EPCIP: variants seen among roughly 807,000 people sequenced by gnomAD.
EPCIP encodes exosomal polycystin 1 interacting protein, also known as exosomal polycystin-1-interacting protein.
At chr21:32,807,151 A>G in the EPCIP span, among the ~76,000 whole-genome samples, 1 of 152,116 alleles carries the variant, frequency 6.6e-6, no homozygotes, top group Non-Finnish European at 1.5e-5. Flanking sequence ...TTGAGTGGGG[A>G]CACAGCCAAA....
the EPCIP span, chr21:32,797,162 A>G: frequency 2.1e-5 from 7 of 329,428 alleles, no homozygotes; most frequent in Admixed American, 3.1e-4. Context: ...AGGCTCACTA[A>G]GAGGGCACCA....
At chr21:32,798,141 C>T in the EPCIP span, 1 of 152,188 alleles carries the variant, frequency 6.6e-6, no homozygotes. Flanking sequence ...TCAAGACCAG[C>T]CCAGCCAACA....
chr21:32,795,530 A>G, the EPCIP span, among the ~76,000 whole-genome samples: 5 of 152,192 alleles, frequency 3.3e-5, no homozygotes, highest in Admixed American at 2.6e-4. Context: ...AGTCTTCTCC[A>G]TTTGCTAAGC....
chr21:32,790,800 A>G, the EPCIP span: 3 of 152,266 alleles, frequency 2.0e-5, no homozygotes, highest in African/African-American at 7.2e-5. Context: ...ACCACTGGCC[A>G]GAGGCAATAA....
the EPCIP span, among the ~76,000 whole-genome samples, chr21:32,803,640 T>TGAC: frequency 6.6e-6 from 1 of 151,902 alleles, no homozygotes; most frequent in East Asian, 1.9e-4. Context: ...CTATGTAAGA[T>TGAC]ATTTGAAAAC....
At chr21:32,801,859 A>T in the EPCIP span, among the ~76,000 whole-genome samples, 1 of 152,096 alleles carries the variant, frequency 6.6e-6, no homozygotes, top group Non-Finnish European at 1.5e-5. Context: ...GAAAAAAAAA[A>T]GATGCAGATG....
chr21:32,812,143 C>T, the EPCIP span, among the ~76,000 whole-genome samples: 1 of 152,148 alleles, frequency 6.6e-6, no homozygotes, highest in Non-Finnish European at 1.5e-5. Flanking sequence ...ACTGGGAAGT[C>T]CTAACTAAAA....
chr21:32,796,619 G>A, the EPCIP span, among the ~76,000 whole-genome samples: 1 of 152,210 alleles, frequency 6.6e-6, no homozygotes, highest in African/African-American at 2.4e-5. Context: ...AAAGAGCTTT[G>A]AGAAACGTGG....
the EPCIP span, among the ~76,000 whole-genome samples, chr21:32,811,418 C>T: frequency 6.6e-6 from 1 of 152,170 alleles, no homozygotes; most frequent in African/African-American, 2.4e-5. Context: ...AAGCATGAGC[C>T]ACTGCATATG....
At chr21:32,794,059 A>T in the EPCIP span, 1 of 1,614,158 alleles carries the variant, frequency 6.2e-7, no homozygotes. Flanking sequence ...GCCTCTTCAG[A>T]CCACAAATAG....
At chr21:32,806,725 T>C in the EPCIP span, among the ~76,000 whole-genome samples, 2 of 152,212 alleles carry the variant, frequency 1.3e-5, no homozygotes, top group Non-Finnish European at 2.9e-5. Context: ...ATATTTTATT[T>C]GGAAAGCACT....
chr21:32,806,532 C>T, the EPCIP span, among the ~76,000 whole-genome samples: 10 of 152,150 alleles, frequency 6.6e-5, no homozygotes, highest in African/African-American at 1.7e-4. Flanking sequence ...GGTGGGAGCA[C>T]GAGCCAACAG....
chr21:32,809,279 CCTTTCTTTCTTT>C, the EPCIP span, among the ~76,000 whole-genome samples: 942 of 80,052 alleles, frequency 0.012, 12 homozygotes, highest in Middle Eastern at 0.033. Flanking sequence ...CTCCCTCCTT[CCTTTCTTTCTTT>C]CTTTCTTTCT....
the EPCIP span, chr21:32,793,772 A>G: frequency 6.2e-7 from 1 of 1,614,192 alleles, no homozygotes; most frequent in Non-Finnish European, 8.5e-7. Context: ...CTAGTAAATA[A>G]ATGTGACAAC....
the EPCIP span, chr21:32,810,649 G>C: frequency 2.1e-6 from 1 of 471,604 alleles, no homozygotes; most frequent in South Asian, 1.5e-5. Context: ...GTGCCTGCAT[G>C]CTGTCCTGTG....
chr21:32,809,495 T>A, the EPCIP span, among the ~76,000 whole-genome samples: 1 of 151,638 alleles, frequency 6.6e-6, no homozygotes, highest in African/African-American at 2.4e-5. Context: ...AACCTCAGCC[T>A]CCTGAGTAGC....
chr21:32,812,552 C>T, the EPCIP span, among the ~76,000 whole-genome samples: 7 of 152,128 alleles, frequency 4.6e-5, no homozygotes, highest in African/African-American at 1.4e-4. Context: ...TCAGAAAATG[C>T]CCAATTTCTG....
the EPCIP span, among the ~76,000 whole-genome samples, chr21:32,800,773 G>A: frequency 2.6e-5 from 4 of 151,310 alleles, no homozygotes; most frequent in East Asian, 3.9e-4. Flanking sequence ...CTGAGATCGC[G>A]CCATTGCACT....
the EPCIP span, among the ~76,000 whole-genome samples, chr21:32,809,279 C>CCCTCCCTT: frequency 2.2e-3 from 176 of 80,058 alleles, 5 homozygotes; most frequent in South Asian, 3.5e-3. Flanking sequence ...CTCCCTCCTT[C>CCCTCCCTT]CTTTCTTTCT....
Sources: gnomAD v4.1 joint callset for allele counts (sites outside exome capture counted in the v4.1 genomes callset) on GRCh38, gnomAD v4.1.1 for gene constraint, MANE v1.5 for transcripts, NCBI Gene and HGNC (gene_info 2026-07-23, HGNC 2026-07-21) for gene names.